The following RSF1 variants were observed in gnomAD, a reference collection of about 807,000 sequenced individuals.
The protein encoded by RSF1 is HBV pX-associated protein 8.
A neutral mutation model predicts 145.2 loss-of-function variants in RSF1; 13 were observed. The observed-to-expected ratio is 0.09, with a 90% CI of 0.06 to 0.14. The LOEUF (loss-of-function observed/expected upper bound fraction) is 0.14, where lower values mean the gene tolerates loss of function less well. Among genes scored for constraint, RSF1 ranks in the 10% least tolerant of loss-of-function variants. The pLI is 1.00. For missense variants in RSF1, 1,517 were observed against 1,718.2 expected (o/e 0.88, Z 2.07); for synonymous variants, 577 against 592.6 (o/e 0.97, Z 0.38).
At chr11:77,734,795 C>T (rs1403245155) in intron 4 of RSF1, 33 of 1,594,208 alleles carry the variant, frequency 2.1e-5, no homozygotes, top group Non-Finnish European at 2.7e-5. Context: ...ATTCGGCCAC[C>T]TCGTTGGTTC....
At chr11:77,716,293 C>G (rs1746918596) in intron 5 of RSF1, among the ~76,000 whole-genome samples, 1 of 152,064 alleles carries the variant, frequency 6.6e-6, no homozygotes. Flanking sequence ...GAAAATGAAA[C>G]CAGTTTGTTA....
chr11:77,776,961 A>G (rs545993893), intron 1 of RSF1, among the ~76,000 whole-genome samples: 1 of 152,350 alleles, frequency 6.6e-6, no homozygotes, highest in Non-Finnish European at 1.5e-5. Flanking sequence ...TTCTTGAACT[A>G]CAAATAGAAA....
chr11:77,854,077 A>C, the RSF1 span, among the ~76,000 whole-genome samples: 1 of 136,390 alleles, frequency 7.3e-6, no homozygotes, highest in Non-Finnish European at 1.6e-5. Flanking sequence ...TGCAACCTCC[A>C]CCTCCCAGGT....
intron 5 of RSF1, chr11:77,702,849 A>T (rs1326364573): frequency 1.2e-5 from 2 of 161,652 alleles, no homozygotes; most frequent in African/African-American, 4.8e-5. Context: ...ACATTTCCAG[A>T]AGACTATATT....
chr11:77,715,924 C>T (rs1960796807), intron 5 of RSF1, among the ~76,000 whole-genome samples: 1 of 152,176 alleles, frequency 6.6e-6, no homozygotes, highest in African/African-American at 2.4e-5. Flanking sequence ...CGTGCAACAC[C>T]ATGCTTGGCT....
At chr11:77,716,698 CTACAGT>C (rs2135875046) in intron 5 of RSF1, among the ~76,000 whole-genome samples, 1 of 152,280 alleles carries the variant, frequency 6.6e-6, no homozygotes, top group East Asian at 1.9e-4. Context: ...AACATGGTGA[CTACAGT>C]TACAACAACG....
At chr11:77,679,544 G>A (rs962549950) in intron 11 of RSF1, among the ~76,000 whole-genome samples, 8 of 151,846 alleles carry the variant, frequency 5.3e-5, no homozygotes, top group Non-Finnish European at 1.0e-4. Context: ...TGTGTGGTGC[G>A]TGCCTGTAGT....
chr11:77,809,697 G>C (rs1217391672), intron 1 of RSF1, among the ~76,000 whole-genome samples: 1 of 152,178 alleles, frequency 6.6e-6, no homozygotes, highest in African/African-American at 2.4e-5. Flanking sequence ...ATAAACTGGA[G>C]GTTGGCAAGA....
In RSF1 at chr11:77,702,737, G is replaced by A. The variant is rs1242635186; in HGVS notation, c.734-242C>T. ...TTTAGGTTTCTGCTTTTTACTTTTT[G>A]TTTTGGTGTTCTCAATGGATTGCAA... On this transcript the variant is annotated intron_variant, in intron 5 of 15. Coordinates refer to ENST00000308488, the MANE Select transcript of RSF1 (RefSeq NM_016578.4). 94 of 315,866 alleles carry A rather than the reference G, an allele frequency of 3.0e-4. No individual in the cohort carries two copies. The East Asian group carries it at 4.8e-3, about 16-fold the overall frequency. The allele number at this position is 315,866 out of a possible 1,614,324, so 19.6% of individuals were successfully genotyped here.
chr11:77,681,567 A>AC (rs1959863264), intron 11 of RSF1, among the ~76,000 whole-genome samples: 1 of 152,194 alleles, frequency 6.6e-6, no homozygotes, highest in African/African-American at 2.4e-5. Flanking sequence ...AGTGTAAGCC[A>AC]CCATGCCCAG....
intron 1 of RSF1, among the ~76,000 whole-genome samples, chr11:77,816,961 T>G (rs1310586593): frequency 6.6e-6 from 1 of 152,246 alleles, no homozygotes; most frequent in Non-Finnish European, 1.5e-5. Context: ...AATAAGAATT[T>G]GACTAACACC....
chr11:77,662,423 A>G lies in RSF1; in HGVS notation c.*4494T>C, dbSNP rs1482659616. The G allele has an allele frequency of 5.9e-5, 9 of 152,154 alleles. No homozygotes were observed. The East Asian group carries it at 1.7e-3, about 29-fold the overall frequency. The allele number at this position is 152,154 out of a possible 1,614,324, so 9.4% of individuals were successfully genotyped here. A position where few individuals can be genotyped will look rare whatever the true frequency, so the allele number is the denominator to read the frequency against. Reference sequence around the variant, plus strand: ...AATGAATACAAAAAGTGGTGAGTGTATACTCTAAAGTGGTTATATACTAAG... The same window carrying G: ...AATGAATACAAAAAGTGGTGAGTGTGTACTCTAAAGTGGTTATATACTAAG... On this transcript the variant is annotated 3_prime_UTR_variant, in exon 16 of 16. Transcript: ENST00000308488.
chr11:77,662,149 A>T lies in RSF1; in HGVS notation c.*4768T>A, dbSNP rs1230853817. 6.6e-6 allele frequency: 1 copy of T among 152,144 alleles called. No individual in the cohort carries two copies. Among genetic ancestry groups the T allele is most frequent in the Non-Finnish European group, 1.5e-5 (1 of 67,998 alleles). The allele number at this position is 152,144 out of a possible 1,614,324, so 9.4% of individuals were successfully genotyped here. On this transcript the variant is annotated 3_prime_UTR_variant, in exon 16 of 16. Coordinates refer to ENST00000308488, the MANE Select transcript of RSF1 (RefSeq NM_016578.4). ...TTCAAAATATCCAAGAAATTTTATA[A>T]ATTTCTACTCATCTATTGTTATGCC...
chr11:77,755,611 G>C (rs151035281), intron 2 of RSF1, among the ~76,000 whole-genome samples: 1,977 of 148,828 alleles, frequency 0.013, 40 homozygotes, highest in African/African-American at 0.047. Context: ...ATAGAGTCTT[G>C]CTCTGTTGCC....
chr11:77,754,358 T>C (rs909605982), intron 2 of RSF1, among the ~76,000 whole-genome samples: 1 of 152,048 alleles, frequency 6.6e-6, no homozygotes, highest in Non-Finnish European at 1.5e-5. Context: ...TCCCAACACT[T>C]TGGGAGGCTG....
chr11:77,698,792 T>C (rs773834018), intron 6 of RSF1, 99 bp from the exon 7 acceptor site: 307 of 974,248 alleles, frequency 3.2e-4, no homozygotes, highest in Non-Finnish European at 4.6e-4. Context: ...TCAGCCAATA[T>C]ACCAAAAAAA....
At chr11:77,814,355 T>C (rs572205119) in intron 1 of RSF1, among the ~76,000 whole-genome samples, 1 of 151,840 alleles carries the variant, frequency 6.6e-6, no homozygotes, top group African/African-American at 2.4e-5. Context: ...TTTTAAAAAT[T>C]AGCTGGGCAT....
At chr11:77,849,981 C>T in the RSF1 span, among the ~76,000 whole-genome samples, 1 of 152,170 alleles carries the variant, frequency 6.6e-6, no homozygotes, top group Non-Finnish European at 1.5e-5. Flanking sequence ...GATCTGTTTC[C>T]CCCACTAAGT....
chr11:77,755,167 T>G (rs185711985), intron 2 of RSF1, among the ~76,000 whole-genome samples: 47 of 152,306 alleles, frequency 3.1e-4, no homozygotes, highest in Admixed American at 2.7e-3. Context: ...TCATTTGAAA[T>G]CATGGCTGCT....
Sources: allele counts gnomAD v4.1 joint callset (sites outside exome capture counted in the v4.1 genomes callset), GRCh38; gene constraint gnomAD v4.1.1; transcripts MANE v1.5; gene names NCBI Gene and HGNC (gene_info 2026-07-23, HGNC 2026-07-21).